Variants in PPP2R1B observed in about 807,000 individuals in gnomAD.
PPP2R1B encodes protein phosphatase 2 scaffold subunit Abeta, also known as serine/threonine-protein phosphatase 2A 65 kDa regulatory subunit A beta isoform.
PPP2R1B carries 58 observed loss-of-function variants against 72.7 expected under a neutral mutation model. That is an observed-to-expected ratio of 0.80 (90% confidence interval 0.65 to 0.99). The LOEUF (loss-of-function observed/expected upper bound fraction) is 0.99. Among genes scored for constraint, PPP2R1B ranks in the 50% least tolerant of loss-of-function variants. The probability of loss-of-function intolerance (pLI) is 0.00; values close to 1 mark genes in which losing one functional copy is unlikely to be tolerated. For synonymous variants in PPP2R1B, 256 were observed against 264.6 expected, an observed-to-expected ratio of 0.97 and a Z score of 0.32; for missense variants, 695 against 733.6, an observed-to-expected ratio of 0.95 and a Z score of 0.61.
the PPP2R1B span, among the ~76,000 whole-genome samples, chr11:111,705,589 A>G: frequency 6.6e-6 from 1 of 152,182 alleles, no homozygotes; most frequent in Admixed American, 6.5e-5. This position sits in a 1 kb window ranked among gnomAD's most constrained non-coding sequence, Gnocchi z 4.3. Flanking sequence ...CAGAGCAGGG[A>G]CAGGGGAGAG....
At chr11:111,693,117 A>G in the PPP2R1B span, among the ~76,000 whole-genome samples, 2 of 152,066 alleles carry the variant, frequency 1.3e-5, no homozygotes, top group Non-Finnish European at 2.9e-5. Context: ...GCGGATCACG[A>G]GGGCAGGATT....
the PPP2R1B span, among the ~76,000 whole-genome samples, chr11:111,718,226 T>C: frequency 6.6e-6 from 1 of 152,260 alleles, no homozygotes; most frequent in African/African-American, 2.4e-5. Context: ...TAAACCATTC[T>C]TGGCTAGTTT....
the PPP2R1B span, among the ~76,000 whole-genome samples, chr11:111,708,428 A>T: frequency 1.3e-5 from 2 of 152,176 alleles, no homozygotes; most frequent in African/African-American, 4.8e-5. Flanking sequence ...CATTATTATT[A>T]TTTAGACAAC....
At chr11:111,747,820 C>A in intron 11 of PPP2R1B, 134 bp downstream of exon 11, 1 of 716,628 alleles carries the variant, frequency 1.4e-6, no homozygotes. Flanking sequence ...GAAGATTAAA[C>A]TTTAATTAGA....
chr11:111,721,896 C>G, the PPP2R1B span: 1 of 1,612,006 alleles, frequency 6.2e-7, no homozygotes, highest in Non-Finnish European at 8.5e-7. Flanking sequence ...CCAGCTGTCC[C>G]CACGGCAGAG....
chr11:111,759,847 C>T lies in PPP2R1B; in HGVS notation c.644G>A (p.Ser215Asn), dbSNP rs1021075708. Residue 215 changes from serine to asparagine, a missense_variant, in exon 5 of 15, where the codon AGT becomes AAT. By Grantham distance (46) the Ser-to-Asn change is conservative. Coordinates refer to ENST00000527614, the MANE Select transcript of PPP2R1B (RefSeq NM_002716.5). ...ACTAGTGAACAGTGGAACAATTTCA[C>T]TTTTCACACTGTCTAATTCCAAAAC... ...AKVLELDSVK[S>N]EIVPLFTSLA... is the part of the protein sequence containing the mutation. The T allele has an allele frequency of 5.6e-6, 9 of 1,614,102 alleles. No homozygotes were observed. Among genetic ancestry groups the T allele is most frequent in the Non-Finnish European group, 6.8e-6 (8 of 1,179,978 alleles).
At chr11:111,712,130 A>T in the PPP2R1B span, 1 of 1,368,210 alleles carries the variant, frequency 7.3e-7, no homozygotes, top group Non-Finnish European at 1.0e-6. Flanking sequence ...CACAGGAAGA[A>T]TTATTTTATT....
the PPP2R1B span, among the ~76,000 whole-genome samples, chr11:111,693,874 A>T: frequency 6.6e-6 from 1 of 152,216 alleles, no homozygotes; most frequent in Non-Finnish European, 1.5e-5. Context: ...AGGTCAGAGT[A>T]TGGGCTGTGT....
intron 11 of PPP2R1B, among the ~76,000 whole-genome samples, chr11:111,746,473 A>G (rs981740499): frequency 1.3e-5 from 2 of 152,102 alleles, no homozygotes; most frequent in African/African-American, 2.4e-5. Flanking sequence ...GAGGCCTATC[A>G]GGGGGTGAGG....
At chr11:111,760,229 G>A (rs1398122184) in intron 4 of PPP2R1B, among the ~76,000 whole-genome samples, 15 of 152,202 alleles carry the variant, frequency 9.9e-5, no homozygotes, top group African/African-American at 3.6e-4. Context: ...GGGCAACATA[G>A]CAAGACCCTA....
At position 111,754,517 on chromosome 11, in the gene PPP2R1B, T is replaced by G. The variant is rs548287802; in HGVS notation, c.1011A>C (p.Gln337His). 6.2e-7 allele frequency: 1 copy of G among 1,603,122 alleles called. No individual in the cohort carries two copies. Among genetic ancestry groups the G allele is most frequent in the East Asian group, 2.2e-5 (1 of 44,498 alleles). ...IEDRETIIMN[Q>H]ILPYIKELVS... ...GGTTTACCTTTATATAAGGCAGAAT[T>G]TGATTCATAATTATGGTCTCTCTAT... Residue 337 changes from glutamine to histidine, a missense_variant, in exon 8 of 15, where the codon CAA becomes CAC. By Grantham distance (24) the Gln-to-His change is conservative. Coordinates refer to ENST00000527614, the MANE Select transcript of PPP2R1B (RefSeq NM_002716.5).
At chr11:111,749,448 G>A (rs989813578) in intron 10 of PPP2R1B, among the ~76,000 whole-genome samples, 5 of 151,782 alleles carry the variant, frequency 3.3e-5, no homozygotes, top group South Asian at 2.1e-4. Context: ...CACCACACCC[G>A]GCTAAATTTT....
intron 3 of PPP2R1B, among the ~76,000 whole-genome samples, chr11:111,764,394 T>C (rs1555052326): frequency 6.6e-6 from 1 of 152,132 alleles, no homozygotes; most frequent in Non-Finnish European, 1.5e-5. Context: ...ATGTGTCTGA[T>C]AAAGTAGACT....
intron 10 of PPP2R1B, among the ~76,000 whole-genome samples, chr11:111,750,053 A>G (rs1322040906): frequency 6.6e-6 from 1 of 152,150 alleles, no homozygotes; most frequent in Non-Finnish European, 1.5e-5. Flanking sequence ...GACAGACAAA[A>G]AGGATGACAA....
chr11:111,717,033 G>A, the PPP2R1B span, among the ~76,000 whole-genome samples: 2 of 152,068 alleles, frequency 1.3e-5, no homozygotes, highest in African/African-American at 4.8e-5. Flanking sequence ...GCTCAACAGC[G>A]GCCGGGTGTG....
the PPP2R1B span, chr11:111,712,149 T>G: frequency 9.6e-6 from 14 of 1,461,862 alleles, no homozygotes; most frequent in Middle Eastern, 3.7e-4. Context: ...TTCTTAGAAC[T>G]TTGTGTATTT....
chr11:111,694,139 C>G, the PPP2R1B span, among the ~76,000 whole-genome samples: 2 of 152,154 alleles, frequency 1.3e-5, no homozygotes, highest in African/African-American at 4.8e-5. Flanking sequence ...ACACTCAATA[C>G]AAGGTAGCTA....
In PPP2R1B at chr11:111,765,215, T is replaced by G. The variant is rs1468728017; in HGVS notation, c.205+79A>C. 3.6e-6 allele frequency: 5 copies of G among 1,375,020 alleles called. No individual in the cohort carries two copies. The African/African-American group carries it at 7.3e-5, about 20-fold the overall frequency. The allele number at this position is 1,375,020 out of a possible 1,614,324, so 85.2% of individuals were successfully genotyped here. A position where few individuals can be genotyped will look rare whatever the true frequency, so the allele number is the denominator to read the frequency against. ...ACCTGGCTCATTTTAATGTGGGTAA[T>G]AAACTCTAAAAAAGTCAGTGTTGAA... On this transcript the variant is annotated intron_variant, in intron 2 of 14. Coordinates refer to ENST00000527614, the MANE Select transcript of PPP2R1B (RefSeq NM_002716.5).
the PPP2R1B span, chr11:111,720,015 G>T: frequency 6.2e-7 from 1 of 1,608,084 alleles, no homozygotes; most frequent in South Asian, 1.1e-5. Context: ...TACGGTAGAG[G>T]AGCGACACTA....
Sources: gnomAD v4.1 joint callset for allele counts (sites outside exome capture counted in the v4.1 genomes callset) on GRCh38, gnomAD v4.1.1 for gene constraint, Gnocchi (gnomAD v3.1) non-coding constraint, MANE v1.5 for transcripts, NCBI Gene and HGNC (gene_info 2026-07-23, HGNC 2026-07-21) for gene names.